The following VPS53 variants were observed in gnomAD, a reference collection of about 807,000 sequenced individuals.
The protein encoded by VPS53 is vacuolar protein sorting-associated protein 53 homolog.
In VPS53, 70 loss-of-function variants were observed where a neutral mutation model predicts 107.0. The observed-to-expected ratio is 0.65, with a 90% CI of 0.54 to 0.80. The LOEUF (loss-of-function observed/expected upper bound fraction) is 0.80, where lower values mean the gene tolerates loss of function less well. Among genes scored for constraint, VPS53 ranks in the 30% least tolerant of loss-of-function variants. The probability of loss-of-function intolerance (pLI) is 0.00; values close to 1 mark genes in which losing one functional copy is unlikely to be tolerated. For synonymous variants in VPS53, 409 were observed against 393.3 expected, an observed-to-expected ratio of 1.04 and a Z score of -0.47; for missense variants, 917 against 1,049.4, an observed-to-expected ratio of 0.87 and a Z score of 1.74.
chr17:560,264 C>T (rs967431684), intron 15 of VPS53, among the ~76,000 whole-genome samples, 162 bp downstream of exon 15: 6 of 152,246 alleles, frequency 3.9e-5, no homozygotes, highest in African/African-American at 1.4e-4. Flanking sequence ...GCTGCCTGGG[C>T]AGCCTTATGG....
intron 12 of VPS53, among the ~76,000 whole-genome samples, chr17:589,745 T>C (rs1967537680): frequency 1.3e-5 from 2 of 152,224 alleles, no homozygotes; most frequent in Admixed American, 1.3e-4. Flanking sequence ...ATCTCTTGTT[T>C]TGGTACCAGT....
chr17:598,814 C>A (rs1423056542), intron 12 of VPS53, among the ~76,000 whole-genome samples: 1 of 108,808 alleles, frequency 9.2e-6, no homozygotes, highest in African/African-American at 3.4e-5. Flanking sequence ...GCAGCCACCC[C>A]GTCTGGGAAG....
chr17:547,038 G>A (rs1024077517), intron 17 of VPS53, among the ~76,000 whole-genome samples: 25 of 151,804 alleles, frequency 1.6e-4, no homozygotes, highest in Admixed American at 1.1e-3. Flanking sequence ...TACCACACCC[G>A]GCTAATTTTT....
chr17:551,486 G>A (rs932916240), intron 17 of VPS53: 3 of 152,958 alleles, frequency 2.0e-5, no homozygotes, highest in African/African-American at 7.2e-5. Context: ...GAGGACTGAT[G>A]AGCCCAGAGG....
intron 12 of VPS53, among the ~76,000 whole-genome samples, chr17:599,419 C>T (rs1256536049): frequency 2.0e-5 from 3 of 151,940 alleles, no homozygotes; most frequent in African/African-American, 7.2e-5. Flanking sequence ...AAAACTTCTT[C>T]TGCCTTGGGA....
rs572254410 is a variant in VPS53 at position 676,717 on chromosome 17, G to A, written c.286-14822C>T. 5.9e-5 allele frequency among the ~76,000 whole-genome samples: 9 copies of A among 152,250 alleles called. No individual in the cohort carries two copies. In the East Asian group the frequency reaches 1.2e-3, roughly 20 times the overall value. Reference sequence around the variant, plus strand: ...ATAAACTTCAGTGTTCTTTCTTGGCGCAGTATTTTCCTAAAACTATTTTCA... The same window carrying A: ...ATAAACTTCAGTGTTCTTTCTTGGCACAGTATTTTCCTAAAACTATTTTCA... On this transcript the variant is annotated intron_variant, in intron 4 of 21. Coordinates refer to ENST00000437048, the MANE Select transcript of VPS53 (RefSeq NM_001128159.3).
intron 7 of VPS53, among the ~76,000 whole-genome samples, chr17:641,467 C>T (rs1225628347): frequency 2.6e-5 from 4 of 152,130 alleles, no homozygotes; most frequent in African/African-American, 9.7e-5. Context: ...GCCAAACTAC[C>T]AAGATTTCCT....
At chr17:656,484 G>T (rs1213569631) in intron 5 of VPS53, among the ~76,000 whole-genome samples, 3 of 152,206 alleles carry the variant, frequency 2.0e-5, no homozygotes, top group Non-Finnish European at 2.9e-5. Flanking sequence ...AGGAGGGCAG[G>T]AGCAGTCTTC....
At chr17:709,492 G>A (rs1262616585) in intron 2 of VPS53, among the ~76,000 whole-genome samples, 2 of 152,148 alleles carry the variant, frequency 1.3e-5, no homozygotes, top group Non-Finnish European at 2.9e-5. Context: ...CTGAAGTTGT[G>A]ATTTTCCTTG....
chr17:628,156 C>T lies in VPS53; in HGVS notation c.763G>A (p.Glu255Lys), dbSNP rs1470881755. Reference protein sequence around the residue: ...ANILDPRIKQEIIKKFIKQHL... With the variant: ...ANILDPRIKQKIIKKFIKQHL... ...TGTTTAATAAACTTTTTGATGATTTCCTGTTTGATCCTGGGATCTAGAATA... is the reference window on the plus strand; with the variant it reads ...TGTTTAATAAACTTTTTGATGATTTTCTGTTTGATCCTGGGATCTAGAATA... Residue 255 changes from glutamate to lysine, a missense_variant, in exon 9 of 22, where the codon GAA becomes AAA. Glu to Lys is a moderately conservative substitution (Grantham distance 56, BLOSUM62 1). Transcript: ENST00000437048. 6.2e-7 allele frequency: 1 copy of T among 1,613,876 alleles called. No individual in the cohort carries two copies. Among genetic ancestry groups the T allele is most frequent in the South Asian group, 1.1e-5 (1 of 90,996 alleles).
Position 576,914 on chromosome 17 carries a change from C to T in VPS53, c.1313+9356G>A, listed in dbSNP as rs571300510. 1.9e-3 allele frequency among the ~76,000 whole-genome samples: 271 copies of T among 145,100 alleles called. 1 individual carries two copies. Among genetic ancestry groups the T allele is most frequent in the Non-Finnish European group, 2.9e-4 (19 of 66,438 alleles). Reference sequence around the variant, plus strand: ...AGAGAACCTCCCTCAGAACCTAATGCGTTCCCAGAAAACCTCCCTCAGAAC... The same window carrying T: ...AGAGAACCTCCCTCAGAACCTAATGTGTTCCCAGAAAACCTCCCTCAGAAC... On this transcript the variant is annotated intron_variant, in intron 13 of 21. Coordinates refer to ENST00000437048, the MANE Select transcript of VPS53 (RefSeq NM_001128159.3).
Position 639,066 on chromosome 17 carries a change from G to T in VPS53, c.609-7438C>A, listed in dbSNP as rs192587803. On this transcript the variant is annotated intron_variant, in intron 7 of 21. Coordinates refer to ENST00000437048, the MANE Select transcript of VPS53 (RefSeq NM_001128159.3). ...CTTTCAGGTACACCAATAAGACGTA[G>T]ATTTGGTCTTTTCACATAGTCCCGT... 9.8e-5 allele frequency among the ~76,000 whole-genome samples: 15 copies of T among 152,292 alleles called. No individual in the cohort carries two copies. The South Asian group carries it at 2.9e-3, about 29-fold the overall frequency.
Position 513,602 on chromosome 17 carries a change from T to C in VPS53, c.*5526A>G, listed in dbSNP as rs1423503587. 6.6e-6 allele frequency: 1 copy of C among 151,194 alleles called. No individual in the cohort carries two copies. Among genetic ancestry groups the C allele is most frequent in the Non-Finnish European group, 1.5e-5 (1 of 68,062 alleles). 9.4% of individuals were successfully genotyped at this position (151,194 alleles called of 1,614,324 possible). A position where few individuals can be genotyped will look rare whatever the true frequency, so the allele number is the denominator to read the frequency against. Reference sequence around the variant, plus strand: ...TGTCACCCTCAAGCAGGCAGGTTGTTCTGAGTGCTCTTCCTAGCGAAGGAA... The same window carrying C: ...TGTCACCCTCAAGCAGGCAGGTTGTCCTGAGTGCTCTTCCTAGCGAAGGAA... On this transcript the variant is annotated 3_prime_UTR_variant, in exon 22 of 22. Transcript: ENST00000437048.
chr17:665,230 A>C (rs1971631791), intron 4 of VPS53, among the ~76,000 whole-genome samples: 1 of 152,142 alleles, frequency 6.6e-6, no homozygotes, highest in Admixed American at 6.5e-5. Context: ...CTTGCCTTCC[A>C]ACTCTGCCAT....
At chr17:679,223 A>C (rs2143772754) in intron 4 of VPS53, among the ~76,000 whole-genome samples, 1 of 152,134 alleles carries the variant, frequency 6.6e-6, no homozygotes, top group Middle Eastern at 3.4e-3. Flanking sequence ...AAAATTAAGA[A>C]TGAAAAGAGA....
intron 2 of VPS53, among the ~76,000 whole-genome samples, chr17:700,711 C>T (rs79883059): frequency 0.019 from 2,937 of 152,202 alleles, 201 homozygotes; most frequent in East Asian, 0.19. Context: ...CCCTAATGGA[C>T]AAGAGGAGGT....
At chr17:675,178 C>A (rs1455561712) in intron 4 of VPS53, 1 of 152,152 alleles carries the variant, frequency 6.6e-6, no homozygotes, top group Non-Finnish European at 1.5e-5. Context: ...GACAAACGGT[C>A]CTAGAACCTG....
At chr17:553,576 T>A in intron 15 of VPS53, 114 bp from the exon 16 acceptor site, 3 of 154,230 alleles carry the variant, frequency 1.9e-5, no homozygotes, top group Non-Finnish European at 1.7e-5. Context: ...TCCATACACT[T>A]TTTTTTTTTT....
At chr17:662,881 G>GGGAGGAAC (rs1971529004) in intron 4 of VPS53, among the ~76,000 whole-genome samples, 1 of 140,440 alleles carries the variant, frequency 7.1e-6, no homozygotes, top group African/African-American at 2.7e-5. Context: ...AACGAAGGAA[G>GGGAGGAAC]GAAGGAAGGA....
Sources: gnomAD v4.1 joint callset for allele counts (sites outside exome capture counted in the v4.1 genomes callset) on GRCh38, gnomAD v4.1.1 for gene constraint, MANE v1.5 for transcripts, NCBI Gene and HGNC (gene_info 2026-07-23, HGNC 2026-07-21) for gene names.